The following TRPC5 variants were observed in gnomAD, a reference collection of about 807,000 sequenced individuals.
TRPC5 encodes transient receptor potential cation channel subfamily C member 5.
Under a neutral mutation model 56.5 loss-of-function variants are expected in TRPC5, and 9 were observed. The ratio of observed to expected loss-of-function variants is 0.16; its 90% CI spans 0.10 to 0.28. The LOEUF is 0.28. Ranked by LOEUF, TRPC5 falls within the 10% of genes least tolerant of loss-of-function variation. The probability of loss-of-function intolerance (pLI) is 1.00; values close to 1 mark genes in which losing one functional copy is unlikely to be tolerated. For synonymous variants in TRPC5, 282 were observed against 278.5 expected, an observed-to-expected ratio of 1.01 and a Z score of -0.13; for missense variants, 469 against 748.9, an observed-to-expected ratio of 0.63 and a Z score of 4.36.
chrX:111,878,950 T>C (rs1283308453), intron 3 of TRPC5, among the ~76,000 whole-genome samples: 1 of 112,000 alleles, frequency 8.9e-6, no homozygotes, highest in African/African-American at 3.3e-5. Context: ...AATGGCTCCA[T>C]ACTTGCACTT....
chrX:111,955,816 GA>G (rs1314617342), intron 1 of TRPC5, among the ~76,000 whole-genome samples: 2 of 111,997 alleles, frequency 1.8e-5, no homozygotes, highest in African/African-American at 6.5e-5. Context: ...TTTTCCCCAT[GA>G]CCCTTTACCT....
intron 7 of TRPC5, among the ~76,000 whole-genome samples, chrX:111,787,290 T>C (rs183907627): frequency 9.0e-6 from 1 of 111,434 alleles, no homozygotes; most frequent in African/African-American, 3.3e-5. Flanking sequence ...ACTGAACAAC[T>C]TGCTCCTGAA....
chrX:111,934,513 C>T (rs1158932819), intron 2 of TRPC5, among the ~76,000 whole-genome samples: 2 of 110,659 alleles, frequency 1.8e-5, no homozygotes, highest in Admixed American at 9.7e-5. Context: ...TAAAATGTAC[C>T]GTAAAATATT....
intron 3 of TRPC5, among the ~76,000 whole-genome samples, chrX:111,878,867 C>T (rs959074296): frequency 1.8e-5 from 2 of 111,769 alleles, no homozygotes; most frequent in African/African-American, 6.5e-5. Flanking sequence ...CATGTGTAAC[C>T]TTCTTGGTTA....
chrX:111,867,768 C>T (rs1247268798), intron 3 of TRPC5, among the ~76,000 whole-genome samples: 2 of 111,896 alleles, frequency 1.8e-5, no homozygotes, highest in African/African-American at 3.2e-5. Context: ...TCTTCGGCCG[C>T]TAAAACATAT....
At chrX:111,850,430 T>C (rs1360945343) in intron 5 of TRPC5, among the ~76,000 whole-genome samples, 2 of 111,909 alleles carry the variant, frequency 1.8e-5, no homozygotes, top group African/African-American at 3.3e-5. Flanking sequence ...ACAATGGTGA[T>C]TGAAAACATT....
intron 1 of TRPC5, among the ~76,000 whole-genome samples, chrX:112,028,189 C>T (rs1372770930): frequency 2.7e-5 from 3 of 112,269 alleles, no homozygotes; most frequent in Non-Finnish European, 5.6e-5. Flanking sequence ...GATCCTTATT[C>T]ACTATATACA....
intron 2 of TRPC5, among the ~76,000 whole-genome samples, chrX:111,936,795 C>T (rs1340696252): frequency 1.2e-4 from 12 of 96,385 alleles, no homozygotes; most frequent in Non-Finnish European, 2.5e-4. Flanking sequence ...AATAGTGCCG[C>T]AATAAACATA....
intron 2 of TRPC5, among the ~76,000 whole-genome samples, chrX:111,944,308 G>A (rs369021234): frequency 0.018 from 1,398 of 77,794 alleles, 42 homozygotes; most frequent in African/African-American, 0.091. Context: ...GTGTGTGAGA[G>A]AGAGAGAGAG....
intron 1 of TRPC5, among the ~76,000 whole-genome samples, chrX:112,046,911 A>C (rs190401586): frequency 1.8e-5 from 2 of 110,957 alleles, no homozygotes; most frequent in East Asian, 5.7e-4. Flanking sequence ...TCCTGACCAC[A>C]ATGTGTTTAT....
At chrX:112,022,229 A>G (rs1929289979) in intron 1 of TRPC5, among the ~76,000 whole-genome samples, 1 of 112,484 alleles carries the variant, frequency 8.9e-6, no homozygotes, top group Non-Finnish European at 1.9e-5. Context: ...CCAATCTTAT[A>G]TCATTTTTGA....
chrX:112,043,645 T>TA (rs370812753), intron 1 of TRPC5, among the ~76,000 whole-genome samples: 5,255 of 75,632 alleles, frequency 0.069, 208 homozygotes, highest in African/African-American at 0.14. Context: ...TGAGAAGAGG[T>TA]AAAAAAAAAA....
chrX:111,774,002 G>T lies in TRPC5; in HGVS notation c.*2311C>A, dbSNP rs1355482242. On this transcript the variant is annotated 3_prime_UTR_variant, in exon 11 of 11. Coordinates refer to ENST00000262839, the MANE Select transcript of TRPC5 (RefSeq NM_012471.3). ...CAGCTTTAACCCCCATCCTAAATGA[G>T]GCTTCACTATAGCTAGTAAAGTCTT... 9.0e-6 allele frequency among the ~76,000 whole-genome samples: 1 copy of T among 111,597 alleles called. No individual in the cohort carries two copies. The highest frequency in any genetic ancestry group is 1.9e-5 in the Non-Finnish European group (1 of 53,065).
chrX:111,971,682 T>C (rs1199228516), intron 1 of TRPC5, among the ~76,000 whole-genome samples: 1 of 111,673 alleles, frequency 9.0e-6, no homozygotes, highest in African/African-American at 3.3e-5. Context: ...TTTTCTTCCC[T>C]TGTGTCCCTT....
chrX:112,073,351 C>A lies in TRPC5; in HGVS notation c.-22+8528G>T, dbSNP rs775228633. Among the ~76,000 whole-genome samples the A allele has an allele frequency of 7.2e-5, 8 of 111,227 alleles. No homozygotes were observed. The South Asian group carries it at 3.0e-3, about 42-fold the overall frequency. ...GTGGCATGATCTCAGCTCACTGTAA[C>A]CTCCACCTCCTGAGTTCAAGCAATT... On this transcript the variant is annotated intron_variant, in intron 1 of 10. Coordinates refer to ENST00000262839, the MANE Select transcript of TRPC5 (RefSeq NM_012471.3).
intron 6 of TRPC5, among the ~76,000 whole-genome samples, chrX:111,840,165 G>A (rs1050441500): frequency 2.7e-5 from 3 of 112,010 alleles, no homozygotes; most frequent in South Asian, 3.7e-4. Context: ...GCGAGACTCC[G>A]TCTCAAACAA....
intron 1 of TRPC5, among the ~76,000 whole-genome samples, chrX:112,015,882 G>C (rs6642975): frequency 0.085 from 9,499 of 111,319 alleles, 571 homozygotes; most frequent in African/African-American, 0.21. Context: ...CTGATTCAGT[G>C]TCTGTAGAGC....
intron 9 of TRPC5, among the ~76,000 whole-genome samples, chrX:111,779,471 T>C (rs1945903556): frequency 8.9e-6 from 1 of 111,919 alleles, no homozygotes; most frequent in Admixed American, 9.5e-5. Flanking sequence ...GTCTGCTGAT[T>C]TTAATGTCTA....
intron 3 of TRPC5, among the ~76,000 whole-genome samples, chrX:111,872,001 C>G (rs1187492238): frequency 1.8e-5 from 2 of 111,776 alleles, no homozygotes; most frequent in Non-Finnish European, 3.8e-5. Context: ...GCCAGGATGC[C>G]CCTCAGGCTT....
Sources: allele counts gnomAD v4.1 joint callset (sites outside exome capture counted in the v4.1 genomes callset), GRCh38; gene constraint gnomAD v4.1.1; transcripts MANE v1.5; gene names NCBI Gene and HGNC (gene_info 2026-07-23, HGNC 2026-07-21).